The following ZCCHC24 variants were observed in gnomAD, a reference collection of about 807,000 sequenced individuals.
ZCCHC24 encodes zinc finger CCHC domain-containing protein 24.
Under a neutral mutation model 26.2 loss-of-function variants are expected in ZCCHC24, and 10 were observed. The observed-to-expected ratio is 0.38, with a 90% CI of 0.24 to 0.65. ZCCHC24 has a LOEUF of 0.65. Among genes scored for constraint, ZCCHC24 ranks in the 30% least tolerant of loss-of-function variants. ZCCHC24 has a pLI of 0.54. For missense variants in ZCCHC24, 243 were observed against 329.1 expected, an observed-to-expected ratio of 0.74 and a Z score of 2.03; for synonymous variants, 144 against 147.1, an observed-to-expected ratio of 0.98 and a Z score of 0.15.
intron 1 of ZCCHC24, among the ~76,000 whole-genome samples, chr10:79,441,478 T>G (rs1478133028): frequency 6.6e-6 from 1 of 152,130 alleles, no homozygotes; most frequent in African/African-American, 2.4e-5. Flanking sequence ...CAGAGGCTGA[T>G]GCTCTAGGAA....
chr10:79,432,424 G>A, intron 2 of ZCCHC24, 134 bp downstream of exon 2: 1 of 935,976 alleles, frequency 1.1e-6, no homozygotes, highest in Non-Finnish European at 1.5e-6. Context: ...AAAGGGTAGA[G>A]GCCAGAGGAC....
chr10:79,407,263 G>A (rs1041086894), intron 2 of ZCCHC24, among the ~76,000 whole-genome samples: 1 of 152,208 alleles, frequency 6.6e-6, no homozygotes, highest in African/African-American at 2.4e-5. Context: ...AGGAGCACTC[G>A]GTGGTGTGGG....
At position 79,432,418 on chromosome 10, in the gene ZCCHC24, G is replaced by A. The variant is rs1283319604; in HGVS notation, c.447+140C>T. 13 of 873,480 alleles carry A rather than the reference G, an allele frequency of 1.5e-5. No individual in the cohort carries two copies. The African/African-American group carries it at 1.8e-4, about 12-fold the overall frequency. The allele number at this position is 873,480 out of a possible 1,614,324, so 54.1% of individuals were successfully genotyped here. A position where few individuals can be genotyped will look rare whatever the true frequency, so the allele number is the denominator to read the frequency against. On this transcript the variant is annotated intron_variant, in intron 2 of 3. Transcript: ENST00000372336. ...TCAGAAATCCCAGCAGGGACAAAAG[G>A]GTAGAGGCCAGAGGACCACGGGGCC...
At chr10:79,392,163 C>T (rs1253096896) in intron 3 of ZCCHC24, among the ~76,000 whole-genome samples, 4 of 152,188 alleles carry the variant, frequency 2.6e-5, no homozygotes, top group South Asian at 2.1e-4. Context: ...CTGGAGTGCT[C>T]GCCCAGCCAA....
At chr10:79,421,317 C>T (rs563010614) in intron 2 of ZCCHC24, among the ~76,000 whole-genome samples, 2 of 152,166 alleles carry the variant, frequency 1.3e-5, no homozygotes, top group Admixed American at 6.5e-5. Flanking sequence ...TCCAGGAGAA[C>T]CCCCTGCAAT....
chr10:79,444,332 G>A (rs1276856731), intron 1 of ZCCHC24: 2 of 1,318,762 alleles, frequency 1.5e-6, no homozygotes, highest in African/African-American at 1.5e-5. Context: ...GGGCTGGGAG[G>A]TGGTGGCGAT....
At chr10:79,413,744 G>T (rs1316345091) in intron 2 of ZCCHC24, among the ~76,000 whole-genome samples, 2 of 148,566 alleles carry the variant, frequency 1.3e-5, no homozygotes, top group South Asian at 2.2e-4. Flanking sequence ...TGGAAAAAGG[G>T]TATATGTGCG....
At chr10:79,422,123 T>C (rs1856950670) in intron 2 of ZCCHC24, among the ~76,000 whole-genome samples, 1 of 152,008 alleles carries the variant, frequency 6.6e-6, no homozygotes, top group Non-Finnish European at 1.5e-5. Context: ...AAGAAGAGGC[T>C]AGGTCCCCCA....
At chr10:79,428,604 T>C (rs1320731845) in intron 2 of ZCCHC24, among the ~76,000 whole-genome samples, 1 of 152,214 alleles carries the variant, frequency 6.6e-6, no homozygotes, top group African/African-American at 2.4e-5. Flanking sequence ...GCCATATGTA[T>C]TTTAAATATA....
rs1370646207 is a variant in ZCCHC24 at position 79,384,241 on chromosome 10, TCCAGTGGTCTGGG to T, written c.*2091_*2103del. On this transcript the variant is annotated 3_prime_UTR_variant, in exon 4 of 4. Coordinates refer to ENST00000372336, the MANE Select transcript of ZCCHC24 (RefSeq NM_153367.4). ...TAGCCCGTGCAGGGAAGCCCTGGCC[TCCAGTGGTCTGGG>T]GCCTGGGTTAGTTTTAGGGTGTGGG... The T allele has an allele frequency of 6.6e-6, 1 of 152,320 alleles. No homozygotes were observed. The highest frequency in any genetic ancestry group is 2.4e-5 in the African/African-American group (1 of 41,462). The allele number at this position is 152,320 out of a possible 1,614,324, so 9.4% of individuals were successfully genotyped here.
At chr10:79,400,113 G>T (rs1325612304) in intron 2 of ZCCHC24, among the ~76,000 whole-genome samples, 2 of 152,190 alleles carry the variant, frequency 1.3e-5, no homozygotes, top group Non-Finnish European at 2.9e-5. Context: ...TGGGGTGGGG[G>T]CTGAACAGGT....
chr10:79,431,308 G>A (rs1301956322), intron 2 of ZCCHC24, among the ~76,000 whole-genome samples: 4 of 152,212 alleles, frequency 2.6e-5, no homozygotes, highest in East Asian at 1.9e-4. Flanking sequence ...GGGGGGCTGA[G>A]GGTACTCACT....
chr10:79,435,831 G>C (rs955151633), intron 1 of ZCCHC24, among the ~76,000 whole-genome samples: 4 of 152,240 alleles, frequency 2.6e-5, no homozygotes, highest in African/African-American at 9.6e-5. Flanking sequence ...TTGAGCTCAG[G>C]CCAGGGAGGT....
intron 1 of ZCCHC24, chr10:79,444,216 G>A (rs1446119004): frequency 4.7e-6 from 7 of 1,498,540 alleles, no homozygotes; most frequent in Non-Finnish European, 6.2e-6. Context: ...GGCCACAGAT[G>A]GGTGTCTGAA....
At chr10:79,436,819 T>C (rs1857223188) in intron 1 of ZCCHC24, among the ~76,000 whole-genome samples, 1 of 152,182 alleles carries the variant, frequency 6.6e-6, no homozygotes, top group Non-Finnish European at 1.5e-5. Context: ...AAGCCACTTA[T>C]GGGGTAAGTG....
At chr10:79,428,013 A>G (rs1444053983) in intron 2 of ZCCHC24, among the ~76,000 whole-genome samples, 1 of 152,250 alleles carries the variant, frequency 6.6e-6, no homozygotes, top group Non-Finnish European at 1.5e-5. Flanking sequence ...AGCTGATGGA[A>G]GGAAATAATA....
intron 2 of ZCCHC24, among the ~76,000 whole-genome samples, chr10:79,401,755 G>A (rs1027459650): frequency 2.6e-5 from 4 of 152,154 alleles, no homozygotes; most frequent in Non-Finnish European, 5.9e-5. Context: ...CTCACGCTCC[G>A]CCCTCCCATG....
rs561454511 is a variant in ZCCHC24 at position 79,392,854 on chromosome 10, T to A, written c.612+1422A>T. On this transcript the variant is annotated intron_variant, in intron 3 of 3. Transcript: ENST00000372336. Reference sequence around the variant, plus strand: ...CCTTGGTTGTAGTTCAAGTTCCCCATGTAAAAGTAATGCTTTTGTTTTGCT... The same window carrying A: ...CCTTGGTTGTAGTTCAAGTTCCCCAAGTAAAAGTAATGCTTTTGTTTTGCT... 8.5e-5 allele frequency among the ~76,000 whole-genome samples: 13 copies of A among 152,374 alleles called. No individual in the cohort carries two copies. The East Asian group carries it at 2.1e-3, about 25-fold the overall frequency.
At chr10:79,436,637 T>C (rs1857220981) in intron 1 of ZCCHC24, among the ~76,000 whole-genome samples, 1 of 152,276 alleles carries the variant, frequency 6.6e-6, no homozygotes. Context: ...ACAAAGGTTC[T>C]GCAACCCTCC....
Sources: allele counts gnomAD v4.1 joint callset (sites outside exome capture counted in the v4.1 genomes callset), GRCh38; gene constraint gnomAD v4.1.1; transcripts MANE v1.5; gene names NCBI Gene and HGNC (gene_info 2026-07-23, HGNC 2026-07-21).